Variants in RBFOX1 observed in about 807,000 individuals in gnomAD.
RBFOX1 encodes RNA binding fox-1 homolog 1, also known as RNA binding protein fox-1 homolog 1.
In RBFOX1, 8 loss-of-function variants were observed where a neutral mutation model predicts 57.7. That is an observed-to-expected ratio of 0.14 (90% CI 0.08 to 0.25). The LOEUF (loss-of-function observed/expected upper bound fraction) is 0.25. Among genes scored for constraint, RBFOX1 ranks in the 10% least tolerant of loss-of-function variants. RBFOX1 has a pLI of 1.00. For missense variants in RBFOX1, 611 were observed against 548.5 expected, an observed-to-expected ratio of 1.11 and a Z score of -1.14; for synonymous variants, 326 against 222.4, an observed-to-expected ratio of 1.47 and a Z score of -4.15.
At chr16:6,392,651 C>T (rs1034887866) in intron 2 of RBFOX1, among the ~76,000 whole-genome samples, 1 of 152,192 alleles carries the variant, frequency 6.6e-6, no homozygotes, top group Non-Finnish European at 1.5e-5. Flanking sequence ...AATAGACCCC[C>T]CTAATGGGAT....
chr16:6,862,140 AAG>A (rs1224677089), intron 3 of RBFOX1, among the ~76,000 whole-genome samples: 1 of 152,278 alleles, frequency 6.6e-6, no homozygotes, highest in East Asian at 1.9e-4. Flanking sequence ...ATAACAACAA[AAG>A]AGTTTTTCAT....
chr16:5,307,675 G>C (rs7189681), intron 1 of RBFOX1, among the ~76,000 whole-genome samples: 1 of 152,142 alleles, frequency 6.6e-6, no homozygotes, highest in East Asian at 1.9e-4. Context: ...TATTTATGAT[G>C]AATTATTACT....
At chr16:6,262,892 A>G (rs2097709672) in intron 1 of RBFOX1, among the ~76,000 whole-genome samples, 1 of 152,142 alleles carries the variant, frequency 6.6e-6, no homozygotes, top group Non-Finnish European at 1.5e-5. Flanking sequence ...CAAGGTAAGT[A>G]CCATCAAGGA....
At chr16:6,674,582 A>G (rs1348471980) in intron 3 of RBFOX1, among the ~76,000 whole-genome samples, 1 of 152,058 alleles carries the variant, frequency 6.6e-6, no homozygotes, top group African/African-American at 2.4e-5. Flanking sequence ...TCAGCCTCCC[A>G]AAGTGTTGGA....
intron 4 of RBFOX1, among the ~76,000 whole-genome samples, chr16:7,144,899 C>G (rs1289246211): frequency 2.6e-5 from 4 of 152,030 alleles, no homozygotes; most frequent in Non-Finnish European, 5.9e-5. Context: ...CTCCAGCAGC[C>G]CAGTGTCTCT....
At chr16:5,333,686 C>G (rs1489406780) in intron 1 of RBFOX1, among the ~76,000 whole-genome samples, 1 of 152,174 alleles carries the variant, frequency 6.6e-6, no homozygotes, top group Non-Finnish European at 1.5e-5. Flanking sequence ...GTAAGAACAT[C>G]ACAGGGTGCA....
intron 3 of RBFOX1, among the ~76,000 whole-genome samples, chr16:6,881,080 T>A (rs1567694004): frequency 1.3e-5 from 2 of 152,190 alleles, no homozygotes; most frequent in East Asian, 1.9e-4. Flanking sequence ...CATGGCACTT[T>A]TACCCACTGA....
intron 2 of RBFOX1, among the ~76,000 whole-genome samples, chr16:5,565,851 G>A (rs2046048835): frequency 6.6e-6 from 1 of 151,896 alleles, no homozygotes; most frequent in African/African-American, 2.4e-5. Context: ...ATATGGTTTG[G>A]CTGCGTCCCT....
At chr16:7,704,236 A>G (rs144899364) in intron 14 of RBFOX1, among the ~76,000 whole-genome samples, 2 of 152,300 alleles carry the variant, frequency 1.3e-5, no homozygotes, top group African/African-American at 4.8e-5. Flanking sequence ...TAAAGGTCAA[A>G]AAGATGAGGT....
chr16:6,319,246 A>G (rs942525633), intron 2 of RBFOX1, among the ~76,000 whole-genome samples: 28 of 152,238 alleles, frequency 1.8e-4, no homozygotes, highest in African/African-American at 6.7e-4. Context: ...AGGTTTTGAT[A>G]TGTCCATTGG....
chr16:6,709,974 C>T (rs2063441204), intron 3 of RBFOX1, among the ~76,000 whole-genome samples: 2 of 152,142 alleles, frequency 1.3e-5, no homozygotes, highest in African/African-American at 2.4e-5. Flanking sequence ...ACGGCACAGC[C>T]ACCTGTGCTC....
chr16:6,890,192 G>T (rs1220310670), intron 3 of RBFOX1, among the ~76,000 whole-genome samples: 2 of 152,198 alleles, frequency 1.3e-5, no homozygotes, highest in Non-Finnish European at 2.9e-5. Context: ...AAACACTGCT[G>T]TAAGCCTTTT....
At chr16:6,473,942 G>T (rs1236723413) in intron 2 of RBFOX1, among the ~76,000 whole-genome samples, 1 of 152,132 alleles carries the variant, frequency 6.6e-6, no homozygotes, top group African/African-American at 2.4e-5. Context: ...CTGAGCCAGT[G>T]GATTTTTGTT....
chr16:6,893,859 T>G lies in RBFOX1; in HGVS notation c.-15-158198T>G, dbSNP rs997986021. Among the ~76,000 whole-genome samples, 4 of 152,150 alleles carry G rather than the reference T, an allele frequency of 2.6e-5. No homozygotes were observed. The East Asian group carries it at 7.7e-4, about 29-fold the overall frequency. The stretch of plus-strand genomic sequence containing the variant: ...ACTTCAGGGCCAATGGAATGAATTG[T>G]ATGGGGAATAGTTTAGGTTGTCTGA... On this transcript the variant is annotated intron_variant, in intron 3 of 15. Transcript: ENST00000550418.
chr16:7,049,421 C>A (rs1381291843), intron 3 of RBFOX1, among the ~76,000 whole-genome samples: 1 of 151,784 alleles, frequency 6.6e-6, no homozygotes, highest in Non-Finnish European at 1.5e-5. Flanking sequence ...CTGGAGACTG[C>A]AGCATAAGAG....
chr16:7,479,272 CA>C (rs1675469565), intron 4 of RBFOX1, among the ~76,000 whole-genome samples: 1 of 151,880 alleles, frequency 6.6e-6, no homozygotes, highest in South Asian at 2.1e-4. Flanking sequence ...TACAGGCATG[CA>C]CCACCACACT....
At chr16:6,962,345 A>G (rs948699328) in intron 3 of RBFOX1, among the ~76,000 whole-genome samples, 3 of 152,118 alleles carry the variant, frequency 2.0e-5, no homozygotes, top group Non-Finnish European at 1.5e-5. Context: ...ATCTGCAAAG[A>G]TCCTACACAT....
At chr16:6,048,651 T>G (rs568964739) in intron 1 of RBFOX1, among the ~76,000 whole-genome samples, 1 of 152,340 alleles carries the variant, frequency 6.6e-6, no homozygotes, top group South Asian at 2.1e-4. Context: ...AGCTCGCTTT[T>G]AATATACTGT....
At chr16:6,806,525 T>A (rs1362266933) in intron 3 of RBFOX1, among the ~76,000 whole-genome samples, 1 of 152,044 alleles carries the variant, frequency 6.6e-6, no homozygotes, top group Non-Finnish European at 1.5e-5. Context: ...TTGAATGAGT[T>A]CACCATCTTA....
Sources: gnomAD v4.1 joint callset for allele counts (sites outside exome capture counted in the v4.1 genomes callset) on GRCh38, gnomAD v4.1.1 for gene constraint, MANE v1.5 for transcripts, NCBI Gene and HGNC (gene_info 2026-07-23, HGNC 2026-07-21) for gene names.